The following STAB1 variants were observed in gnomAD, a reference collection of about 807,000 sequenced individuals.
STAB1 encodes the protein stabilin-1.
In STAB1, 250 loss-of-function variants were observed where a neutral mutation model predicts 332.4. The observed-to-expected ratio is 0.75, with a 90% confidence interval of 0.68 to 0.84. STAB1 has a LOEUF of 0.84. Ranked by LOEUF, STAB1 falls within the 40% of genes least tolerant of loss-of-function variation. The pLI, the probability that STAB1 is intolerant of heterozygous loss-of-function variation, is 0.00. For synonymous variants in STAB1, 1,475 were observed against 1,390.4 expected (o/e 1.06, Z -1.35); for missense variants, 3,249 against 3,489.7 (o/e 0.93, Z 1.74).
rs1466261983 is a variant in STAB1 at position 52,511,653 on chromosome 3, C to T, written c.2791C>T (p.Arg931Ter). 6.2e-6 allele frequency: 10 copies of T among 1,609,486 alleles called. No homozygotes were observed. Among genetic ancestry groups the T allele is most frequent in the Admixed American group, 1.7e-5 (1 of 59,730 alleles). ...LCSYVGPGQS[R>*]CTCKLGFAGD... The stretch of plus-strand genomic sequence containing the variant: ...CGTCTGTTCCTAACCTTTCCAGAGC[C>T]GATGCACCTGCAAGCTGGGCTTTGC... Residue 931 changes from arginine to a stop codon, truncating the protein, a stop_gained, in exon 26 of 69, where the codon CGA becomes TGA. Transcript: ENST00000321725. LOFTEE classifies it high-confidence loss of function.
At chr3:52,495,673 G>A (rs1578331662) in intron 1 of STAB1, among the ~76,000 whole-genome samples, 182 bp downstream of exon 1, 2 of 152,202 alleles carry the variant, frequency 1.3e-5, no homozygotes, top group South Asian at 2.1e-4. Context: ...TGAGGTCTGC[G>A]TCCAGCCACC....
rs758701551 is a variant in STAB1, at chr3:52,519,854, C to T, written c.5236-90C>T. 340 of 1,434,414 alleles carry T rather than the reference C, an allele frequency of 2.4e-4. 1 individual carries two copies. Among genetic ancestry groups the T allele is most frequent in the Non-Finnish European group, 3.1e-4 (334 of 1,082,530 alleles). The allele number at this position is 1,434,414 out of a possible 1,614,324, so 88.9% of individuals were successfully genotyped here. ...CAGATGAGTGTGGGTGAGTGTGGAG[C>T]CCCTTCCTGCTCTGTGGCACAGCCC... On this transcript the variant is annotated intron_variant, in intron 50 of 68. Coordinates refer to ENST00000321725, the MANE Select transcript of STAB1 (RefSeq NM_015136.3).
rs746936041 is a variant in STAB1 at position 52,514,497 on chromosome 3, G to T, written c.3678+1G>T. Reference sequence around the variant, plus strand: ...CGTCTTCTACAACCACAGTGGCCAGGTTTGGGGGTCAGGGAGCAAGGAGAC... The same window carrying T: ...CGTCTTCTACAACCACAGTGGCCAGTTTTGGGGGTCAGGGAGCAAGGAGAC... On this transcript the variant is annotated splice_donor_variant, in intron 34 of 68. Transcript: ENST00000321725. LOFTEE classifies it high-confidence loss of function. 37 of 1,524,696 alleles carry T rather than the reference G, an allele frequency of 2.4e-5. No homozygotes were observed. The highest frequency in any genetic ancestry group is 3.2e-5 in the Non-Finnish European group (36 of 1,137,110). 94.4% of individuals were successfully genotyped at this position (1,524,696 alleles called of 1,614,324 possible). A position where few individuals can be genotyped will look rare whatever the true frequency, so the allele number is the denominator to read the frequency against.
intron 22 of STAB1, 71 bp from the exon 23 acceptor site, chr3:52,509,799 A>T (rs898548681): frequency 6.3e-7 from 1 of 1,581,172 alleles, no homozygotes; most frequent in African/African-American, 1.3e-5. Flanking sequence ...ATATCCCCCA[A>T]ACCCATCCTG....
chr3:52,521,479 T>G lies in STAB1; in HGVS notation c.6027T>G (p.Cys2009Trp). 6.2e-7 allele frequency: 1 copy of G among 1,613,976 alleles called. No individual in the cohort carries two copies. Among genetic ancestry groups the G allele is most frequent in the Non-Finnish European group, 8.5e-7 (1 of 1,180,010 alleles). Reference protein sequence around the residue: ...SGFAGTACELCAPGAFGPHCQ... With the variant: ...SGFAGTACELWAPGAFGPHCQ... ...TTGCTGGGACAGCCTGTGAACTCTG[T>G]GCTCCTGGTGCCTTTGGGCCCCATT... Residue 2009 changes from cysteine (C) to tryptophan (W), a missense_variant, in exon 56 of 69, where the codon TGT becomes TGG. Coordinates refer to ENST00000321725, the MANE Select transcript of STAB1 (RefSeq NM_015136.3).
At chr3:52,510,689 T>C (rs1709235320) in intron 25 of STAB1, among the ~76,000 whole-genome samples, 182 bp downstream of exon 25, 1 of 152,228 alleles carries the variant, frequency 6.6e-6, no homozygotes, top group African/African-American at 2.4e-5. Context: ...ATTGGCTCAT[T>C]GCTTTCCCAG....
chr3:52,522,427 C>T lies in STAB1; in HGVS notation c.6563C>T (p.Pro2188Leu), dbSNP rs544910459. Residue 2188 changes from proline to leucine, a missense_variant, in exon 60 of 69, where the codon CCA (proline) becomes CTA (leucine). Physicochemically the swap from Pro to Leu is moderately conservative, Grantham distance 98. Coordinates refer to ENST00000321725, the MANE Select transcript of STAB1 (RefSeq NM_015136.3). ...CCTGTGGACCGCTGCTTGGGCCAGCCACCGCCCTGCCACTCAGATGCCATG... is the reference window on the plus strand; with the variant it reads ...CCTGTGGACCGCTGCTTGGGCCAGCTACCGCCCTGCCACTCAGATGCCATG... Reference protein sequence around the residue: ...EPPVDRCLGQPPPCHSDAMCT... With the variant: ...EPPVDRCLGQLPPCHSDAMCT... 1.2e-6 allele frequency: 2 copies of T among 1,613,032 alleles called. No homozygotes were observed. Among genetic ancestry groups the T allele is most frequent in the African/African-American group, 1.3e-5 (1 of 75,052 alleles).
At position 52,505,078 on chromosome 3, in the gene STAB1, GGC is replaced by G; in HGVS notation, c.1455_1456del (p.Val486LeufsTer37). 1 of 1,613,732 alleles carries G rather than the reference GGC, an allele frequency of 6.2e-7. No individual in the cohort carries two copies. The highest frequency in any genetic ancestry group is 8.5e-7 in the Non-Finnish European group (1 of 1,180,014). ...IYKANNIAAN[G>X]VFHVVTGLRW... ...CAAGGCCAACAACATAGCAGCTAAT[GGC>G]GTCTTCCACGTGGTCACTGGCCTGC... On this transcript the variant is annotated frameshift_variant, in exon 13 of 69. Coordinates refer to ENST00000321725, the MANE Select transcript of STAB1 (RefSeq NM_015136.3). LOFTEE classifies it high-confidence loss of function.
chr3:52,519,720 C>T (rs2079010401), intron 50 of STAB1, 156 bp downstream of exon 50: 7 of 1,230,598 alleles, frequency 5.7e-6, no homozygotes, highest in Non-Finnish European at 7.9e-6. Flanking sequence ...CATCTGTGTG[C>T]ATGTGCACCC....
chr3:52,500,116 T>C lies in STAB1; in HGVS notation c.79-1050T>C, dbSNP rs181978511. The stretch of plus-strand genomic sequence containing the variant: ...ACTGAGTCATGGGGCTGCCCTGGAC[T>C]CTGCCTCACCCAGGTTTACGGAGCT... On this transcript the variant is annotated intron_variant, in intron 1 of 68. Transcript: ENST00000321725. 3.9e-5 allele frequency among the ~76,000 whole-genome samples: 6 copies of C among 152,160 alleles called. No homozygotes were observed. The East Asian group carries it at 1.2e-3, about 29-fold the overall frequency.
At chr3:52,514,666 A>G in intron 34 of STAB1, 35 bp from the exon 35 acceptor site, 1 of 1,612,362 alleles carries the variant, frequency 6.2e-7, no homozygotes, top group Non-Finnish European at 8.5e-7. Context: ...TGAGGGTGGT[A>G]GGTGGGTGGA....
rs2079119719 is a variant in STAB1, at chr3:52,522,795, C to T, written c.6765C>T (p.Leu2255=). Residue 2255 remains leucine, a synonymous_variant, in exon 62 of 69, where the codon CTC becomes CTT. Transcript: ENST00000321725. The part of the protein sequence containing the change: ...AAQQLGFHLC[L]MGWLANGSTA... ...TACAGCTGGGCTTCCACCTGTGCCT[C>T]ATGGGCTGGCTGGCCAATGGCTCCA... 1.9e-6 allele frequency: 3 copies of T among 1,613,152 alleles called. No individual in the cohort carries two copies. The highest frequency in any genetic ancestry group is 4.5e-5 in the East Asian group (2 of 44,896).
rs188672124 is a variant in STAB1 at position 52,498,276 on chromosome 3, G to C, written c.78+2785G>C. Among the ~76,000 whole-genome samples the C allele has an allele frequency of 3.3e-5, 5 of 152,340 alleles. No individual in the cohort carries two copies. The South Asian group carries it at 6.2e-4, about 19-fold the overall frequency. On this transcript the variant is annotated intron_variant, in intron 1 of 68. Coordinates refer to ENST00000321725, the MANE Select transcript of STAB1 (RefSeq NM_015136.3). ...AGGTCTGCGGGGGGTGTGGGGTTGG[G>C]GGGGAGACAGCACCCGCTCTGGCTC...
chr3:52,513,428 G>T (rs1352995067), intron 30 of STAB1, among the ~76,000 whole-genome samples, 187 bp downstream of exon 30: 1 of 152,194 alleles, frequency 6.6e-6, no homozygotes, highest in Non-Finnish European at 1.5e-5. Context: ...GCTGGGCCAG[G>T]AGTGACTGCC....
Position 52,507,464 on chromosome 3 carries a change from G to C in STAB1, c.1990-149G>C. ...TGCCCGGCTCGGGGCCTCTGCCCCTGCTCTCCTCTGCCTGGAATGCCAGTG... is the reference window on the plus strand; with the variant it reads ...TGCCCGGCTCGGGGCCTCTGCCCCTCCTCTCCTCTGCCTGGAATGCCAGTG... On this transcript the variant is annotated intron_variant, in intron 18 of 68. Coordinates refer to ENST00000321725, the MANE Select transcript of STAB1 (RefSeq NM_015136.3). 4 of 827,382 alleles carry C rather than the reference G, an allele frequency of 4.8e-6. No homozygotes were observed. In the East Asian group the frequency reaches 1.1e-4, roughly 22 times the overall value. The allele number at this position is 827,382 out of a possible 1,614,324, so 51.3% of individuals were successfully genotyped here. A position where few individuals can be genotyped will look rare whatever the true frequency, so the allele number is the denominator to read the frequency against.
intron 3 of STAB1, 39 bp from the exon 4 acceptor site, chr3:52,501,967 G>A (rs1316448770): frequency 1.2e-6 from 2 of 1,608,294 alleles, no homozygotes. Flanking sequence ...GTAAGCGGAG[G>A]GTTCTGGGCA....
chr3:52,516,266 G>GGGC, intron 38 of STAB1, 28 bp downstream of exon 38: 1 of 794,424 alleles, frequency 1.3e-6, no homozygotes, highest in Non-Finnish European at 2.2e-6. Flanking sequence ...GCGGGGGTGG[G>GGGC]CCTCCTGGCA....
At chr3:52,506,620 G>A (rs1239563852) in intron 17 of STAB1, 72 bp from the exon 18 acceptor site, 8 of 1,481,792 alleles carry the variant, frequency 5.4e-6, no homozygotes, top group Non-Finnish European at 7.2e-6. Context: ...GGGCTGCAGG[G>A]GTGGAGGTGG....
Position 52,519,974 on chromosome 3 carries a change from G to C in STAB1, c.5266G>C (p.Ala1756Pro), listed in dbSNP as rs2079018328. ...CGGCCTCCTGCCCCTGCTTCGAGAG[G>C]CATCCCATAGGCCCTTCACAATGCT... ...VAGLLPLLRE[A>P]SHRPFTMLWP... Residue 1756 changes from alanine (A) to proline (P), a missense_variant, in exon 51 of 69, where the codon GCA (alanine) becomes CCA (proline). Coordinates refer to ENST00000321725, the MANE Select transcript of STAB1 (RefSeq NM_015136.3). 1 of 1,595,226 alleles carries C rather than the reference G, an allele frequency of 6.3e-7. No individual in the cohort carries two copies. The highest frequency in any genetic ancestry group is 1.7e-5 in the Admixed American group (1 of 57,590).
Sources: gnomAD v4.1 joint callset for allele counts (sites outside exome capture counted in the v4.1 genomes callset) on GRCh38, gnomAD v4.1.1 for gene constraint, MANE v1.5 for transcripts, NCBI Gene and HGNC (gene_info 2026-07-23, HGNC 2026-07-21) for gene names.